Variants in A1CF observed in about 807,000 individuals in gnomAD.
A1CF encodes APOBEC1 complementation factor, also known as APOBEC-1 stimulating protein.
Under a neutral mutation model 68.9 loss-of-function variants are expected in A1CF, and 48 were observed. The ratio of observed to expected loss-of-function variants is 0.70; its 90% CI spans 0.55 to 0.89. The LOEUF is 0.89. A1CF is among the 40% of genes least tolerant of loss of function. A1CF has a pLI of 0.00. For missense variants in A1CF, 653 were observed against 718.9 expected, an observed-to-expected ratio of 0.91 and a Z score of 1.05; for synonymous variants, 272 against 260.4, an observed-to-expected ratio of 1.04 and a Z score of -0.43.
Position 50,814,055 on chromosome 10 carries a change from G to A in A1CF, c.1142-17C>T. 1.9e-6 allele frequency: 3 copies of A among 1,612,718 alleles called. No homozygotes were observed. The highest frequency in any genetic ancestry group is 8.5e-7 in the Non-Finnish European group (1 of 1,179,550). ...CCGCAGCCCCTACAGGTACATTCAT[G>A]TAAATTTCTAGGAACGTAAGAAGGC... On this transcript the variant is annotated splice_polypyrimidine_tract_variant and intron_variant, in intron 9 of 12. Transcript: ENST00000373997.
Position 50,811,180 on chromosome 10 carries a change from C to G in A1CF, c.1324-4G>C. The G allele has an allele frequency of 6.3e-7, 1 of 1,599,150 alleles. No individual in the cohort carries two copies. ...TCTGACAAATCTCTTCTAATATCTA[C>G]AAGAATAAAAAAAGTTATTTCCCCC... On this transcript the variant is annotated splice_region_variant and splice_polypyrimidine_tract_variant and intron_variant, in intron 10 of 12. Transcript: ENST00000373997.
At chr10:50,862,289 C>G (rs1840783442) in intron 2 of A1CF, among the ~76,000 whole-genome samples, 1 of 151,910 alleles carries the variant, frequency 6.6e-6, no homozygotes, top group African/African-American at 2.4e-5. Context: ...TTGCTTGAAC[C>G]TGGGAGGTGA....
intron 1 of A1CF, among the ~76,000 whole-genome samples, chr10:50,882,239 C>A (rs1184121622): frequency 2.6e-5 from 4 of 151,990 alleles, no homozygotes; most frequent in South Asian, 4.1e-4. Context: ...AGTTCGAGAC[C>A]AGCCTAGCCA....
chr10:50,874,874 A>C (rs146857105), intron 1 of A1CF, among the ~76,000 whole-genome samples: 186 of 152,320 alleles, frequency 1.2e-3, no homozygotes, highest in Middle Eastern at 3.4e-3. Context: ...GCCTGGACTC[A>C]TGGTAGAATC....
rs180817769 is a variant in A1CF, at chr10:50,868,672, A to G, written c.-93-4592T>C. Among the ~76,000 whole-genome samples the G allele has an allele frequency of 2.3e-3, 346 of 152,346 alleles. 7 individuals are homozygous for G. Among genetic ancestry groups the G allele is most frequent in the Non-Finnish European group, 7.1e-4 (48 of 68,030 alleles). ...TAAATTAAAGAAAGAAAAGAAATGT[A>G]AAAGTTGTTCATAGTGGACATGTTA... On this transcript the variant is annotated intron_variant, in intron 1 of 12. Coordinates refer to ENST00000373997, the MANE Select transcript of A1CF (RefSeq NM_014576.4).
At chr10:50,865,803 T>C (rs1840964491) in intron 1 of A1CF, among the ~76,000 whole-genome samples, 1 of 152,250 alleles carries the variant, frequency 6.6e-6, no homozygotes, top group South Asian at 2.1e-4. Context: ...AACCTTCAAG[T>C]GTCAGCTCCT....
At chr10:50,810,299 T>C (rs1045367667) in intron 11 of A1CF, among the ~76,000 whole-genome samples, 1 of 152,192 alleles carries the variant, frequency 6.6e-6, no homozygotes, top group Non-Finnish European at 1.5e-5. Flanking sequence ...AAAGCACAAG[T>C]GAAACAAATT....
chr10:50,835,648 T>C (rs771038793), intron 6 of A1CF, among the ~76,000 whole-genome samples: 1 of 152,312 alleles, frequency 6.6e-6, no homozygotes, highest in African/African-American at 2.4e-5. Flanking sequence ...CAGGGAGTCA[T>C]AATGAAAGTA....
At chr10:50,806,919 C>T (rs757966586) in intron 12 of A1CF, 39 bp from the exon 13 acceptor site, 1 of 1,584,366 alleles carries the variant, frequency 6.3e-7, no homozygotes, top group Non-Finnish European at 8.6e-7. Flanking sequence ...GAAAGGAATT[C>T]ACATTTGCTC....
At chr10:50,868,037 C>T (rs116937162) in intron 1 of A1CF, among the ~76,000 whole-genome samples, 267 of 152,278 alleles carry the variant, frequency 1.8e-3, no homozygotes, top group Non-Finnish European at 3.0e-3. Flanking sequence ...AGGTGCTCCA[C>T]GTGCATTTCA....
At chr10:50,858,368 A>G (rs1034374155) in intron 3 of A1CF, among the ~76,000 whole-genome samples, 1 of 152,102 alleles carries the variant, frequency 6.6e-6, no homozygotes, top group Non-Finnish European at 1.5e-5. Context: ...GATAATTTAT[A>G]TTGTTTTAGG....
Position 50,800,902 on chromosome 10 carries a change from A to C in A1CF, c.*5827T>G, listed in dbSNP as rs1197382184. 6.6e-6 allele frequency: 1 copy of C among 152,178 alleles called. No homozygotes were observed. Among genetic ancestry groups the C allele is most frequent in the Non-Finnish European group, 1.5e-5 (1 of 68,018 alleles). 9.4% of individuals were successfully genotyped at this position (152,178 alleles called of 1,614,324 possible). ...GCAAATTTGTGAAGCAGAAGGAAAA[A>C]AGGCAATATCCTTTTTAAGGTGAAG... is the stretch of plus-strand genomic sequence containing the variant. On this transcript the variant is annotated 3_prime_UTR_variant, in exon 13 of 13. Transcript: ENST00000373997.
intron 4 of A1CF, among the ~76,000 whole-genome samples, chr10:50,843,231 T>C (rs1194489621): frequency 6.6e-6 from 1 of 152,212 alleles, no homozygotes; most frequent in Non-Finnish European, 1.5e-5. Context: ...TTGATGCTCA[T>C]TTTCAGATTC....
chr10:50,882,170 G>A (rs1026585183), intron 1 of A1CF, among the ~76,000 whole-genome samples: 1 of 152,170 alleles, frequency 6.6e-6, no homozygotes, highest in African/African-American at 2.4e-5. Context: ...GGGCATGTTG[G>A]CTCATGCCTG....
At chr10:50,869,785 A>T (rs1300164005) in intron 1 of A1CF, among the ~76,000 whole-genome samples, 1 of 152,084 alleles carries the variant, frequency 6.6e-6, no homozygotes, top group Non-Finnish European at 1.5e-5. Flanking sequence ...TAATTTTTAT[A>T]TTCAAATATG....
In A1CF at chr10:50,836,164, C is replaced by T. The variant is rs775569138; in HGVS notation, c.514G>A (p.Ala172Thr). The T allele has an allele frequency of 8.7e-6, 14 of 1,613,814 alleles. No individual in the cohort carries two copies. Among genetic ancestry groups the T allele is most frequent in the East Asian group, 4.5e-5 (2 of 44,876 alleles). The change falls in exon 6 of 13, where the codon GCT (alanine) becomes ACT (threonine). Residue 172 changes from alanine (A) to threonine (T), a missense_variant. Transcript: ENST00000373997. ...CCTCGGTTTTTGGTTTTATCTGCAGCGCTTGGGTAGACGATGACATCGACA... is the reference window on the plus strand; with the variant it reads ...CCTCGGTTTTTGGTTTTATCTGCAGTGCTTGGGTAGACGATGACATCGACA... ...GVVDVIVYPS[A>T]ADKTKNRGFA...
chr10:50,803,956 A>T lies in A1CF; in HGVS notation c.*2773T>A, dbSNP rs1837713781. ...AGCCTTTGGTTCTACCAGCAATTTA[A>T]AAAAGCCCGTTGTCTTAATAATTTT... On this transcript the variant is annotated 3_prime_UTR_variant, in exon 13 of 13. Transcript: ENST00000373997. 1 of 152,226 alleles carries T rather than the reference A, an allele frequency of 6.6e-6. No individual in the cohort carries two copies. The highest frequency in any genetic ancestry group is 2.4e-5 in the African/African-American group (1 of 41,466). 9.4% of individuals were successfully genotyped at this position (152,226 alleles called of 1,614,324 possible).
At chr10:50,854,879 T>C (rs540913663) in intron 3 of A1CF, among the ~76,000 whole-genome samples, 4 of 152,046 alleles carry the variant, frequency 2.6e-5, no homozygotes, top group Non-Finnish European at 2.9e-5. Context: ...TGTGCTGTAA[T>C]GATTTTTAGA....
At chr10:50,850,958 G>A (rs914664902) in intron 3 of A1CF, among the ~76,000 whole-genome samples, 15 of 152,052 alleles carry the variant, frequency 9.9e-5, no homozygotes, top group African/African-American at 1.9e-4. Flanking sequence ...TATTATGGCC[G>A]CTAGATCTGA....
Sources: gnomAD v4.1 joint callset for allele counts (sites outside exome capture counted in the v4.1 genomes callset) on GRCh38, gnomAD v4.1.1 for gene constraint, MANE v1.5 for transcripts, NCBI Gene and HGNC (gene_info 2026-07-23, HGNC 2026-07-21) for gene names.